CNNM2: variants seen among roughly 807,000 people sequenced by gnomAD.
The protein encoded by CNNM2 is cyclin and CBS domain divalent metal cation transport mediator 2, also known as metal transporter CNNM2.
Under a neutral mutation model 66.9 loss-of-function variants are expected in CNNM2, and 12 were observed. The observed-to-expected ratio is 0.18, with a 90% CI of 0.11 to 0.29. The LOEUF (loss-of-function observed/expected upper bound fraction) is 0.29, where lower values mean the gene tolerates loss of function less well. CNNM2 is among the 10% of genes least tolerant of loss of function. CNNM2 has a pLI of 1.00. For synonymous variants in CNNM2, 557 were observed against 501.8 expected, an observed-to-expected ratio of 1.11 and a Z score of -1.47; for missense variants, 705 against 1,167.7, an observed-to-expected ratio of 0.60 and a Z score of 5.77.
chr10:103,050,258 G>A (rs570089722), intron 2 of CNNM2, among the ~76,000 whole-genome samples: 1 of 152,272 alleles, frequency 6.6e-6, no homozygotes, highest in South Asian at 2.1e-4. Context: ...GAGGCCGGGC[G>A]TGGTGGCTCA....
At chr10:103,031,053 C>G (rs1451361295) in intron 1 of CNNM2, among the ~76,000 whole-genome samples, 1 of 152,226 alleles carries the variant, frequency 6.6e-6, no homozygotes, top group Non-Finnish European at 1.5e-5. Flanking sequence ...GGTTTTCAGT[C>G]TGTGCTTTAT....
At chr10:102,936,027 G>C (rs1359368656) in intron 1 of CNNM2, among the ~76,000 whole-genome samples, 1 of 150,638 alleles carries the variant, frequency 6.6e-6, no homozygotes, top group Non-Finnish European at 1.5e-5. Context: ...TTGGTGCTGT[G>C]GGGGTAGGGG....
intron 1 of CNNM2, among the ~76,000 whole-genome samples, chr10:102,952,540 G>A (rs1454404151): frequency 6.6e-6 from 1 of 151,874 alleles, no homozygotes; most frequent in Non-Finnish European, 1.5e-5. Context: ...CTCCAGCCTG[G>A]GTGACAGAGT....
At chr10:103,033,791 C>T (rs959902119) in intron 1 of CNNM2, among the ~76,000 whole-genome samples, 1 of 152,128 alleles carries the variant, frequency 6.6e-6, no homozygotes, top group Non-Finnish European at 1.5e-5. Context: ...AGCCCTTCTA[C>T]ACATTTTTAA....
At position 103,077,020 on chromosome 10, in the gene CNNM2, A is replaced by G; in HGVS notation, c.2468A>G (p.Lys823Arg). The G allele has an allele frequency of 3.1e-6, 5 of 1,613,984 alleles. No homozygotes were observed. Among genetic ancestry groups the G allele is most frequent in the Non-Finnish European group, 3.4e-6 (4 of 1,179,906 alleles). The change falls in exon 8 of 8, where the codon AAA becomes AGA. Residue 823 changes from lysine (K) to arginine (R), a missense_variant. Around this residue, in one of 9 missense-constraint regions of CNNM2, gnomAD observed 194 missense variants for 227.6 expected, o/e 0.85. Coordinates refer to ENST00000369878, the MANE Select transcript of CNNM2 (RefSeq NM_017649.5). ...QNALMASRMD[K>R]TPQSSDSENT... ...GCCTTGATGGCATCCCGGATGGACAAAACCCCCCAGTCTTCAGACAGTGAA... is the reference window on the plus strand; with the variant it reads ...GCCTTGATGGCATCCCGGATGGACAGAACCCCCCAGTCTTCAGACAGTGAA...
At chr10:103,044,581 T>A (rs557789012) in intron 1 of CNNM2, among the ~76,000 whole-genome samples, 1 of 152,128 alleles carries the variant, frequency 6.6e-6, no homozygotes, top group Non-Finnish European at 1.5e-5. Flanking sequence ...TTACATTTTC[T>A]TTTTGATTTA....
In CNNM2 at chr10:103,081,161, C is replaced by T. The variant is rs1461366501; in HGVS notation, c.*3981C>T. ...GCTTTGCACGCTATGTAGCATGACC[C>T]AAGCTCCCTGGTGGCATGGGAAAAA... On this transcript the variant is annotated 3_prime_UTR_variant, in exon 8 of 8. Transcript: ENST00000369878. The T allele has an allele frequency of 6.6e-6, 1 of 152,432 alleles. No homozygotes were observed. Among genetic ancestry groups the T allele is most frequent in the East Asian group, 1.9e-4 (1 of 5,188 alleles). The allele number at this position is 152,432 out of a possible 1,614,324, so 9.4% of individuals were successfully genotyped here. A position where few individuals can be genotyped will look rare whatever the true frequency, so the allele number is the denominator to read the frequency against.
At chr10:102,961,077 C>T (rs1158553100) in intron 1 of CNNM2, among the ~76,000 whole-genome samples, 6 of 151,790 alleles carry the variant, frequency 4.0e-5, no homozygotes, top group East Asian at 1.9e-4. Flanking sequence ...GGGGTTTCAC[C>T]GTGTTGGCCA....
At position 102,918,372 on chromosome 10, in the gene CNNM2, C is replaced by T. The variant is rs1845488132; in HGVS notation, c.-109C>T. ...AGTCAGTGTCAGTCAGGGAGGCGAA[C>T]TGCTGAGCACTGGCCGCGGACGCTC... On this transcript the variant is annotated 5_prime_UTR_variant, in exon 1 of 8. Coordinates refer to ENST00000369878, the MANE Select transcript of CNNM2 (RefSeq NM_017649.5). The surrounding 1 kb of genome is among the most constrained non-coding windows in gnomAD (Gnocchi z 4.1). 6.7e-7 allele frequency: 1 copy of T among 1,500,152 alleles called. No homozygotes were observed. Among genetic ancestry groups the T allele is most frequent in the Non-Finnish European group, 8.8e-7 (1 of 1,130,162 alleles). 92.9% of individuals were successfully genotyped at this position (1,500,152 alleles called of 1,614,324 possible).
chr10:103,000,462 T>C (rs2064097361), intron 1 of CNNM2, among the ~76,000 whole-genome samples: 1 of 152,078 alleles, frequency 6.6e-6, no homozygotes, highest in Admixed American at 6.6e-5. Flanking sequence ...TTTTATTTTT[T>C]ATTTTTTTTG....
intron 1 of CNNM2, among the ~76,000 whole-genome samples, chr10:102,947,810 G>C (rs1846673450): frequency 6.6e-6 from 1 of 152,116 alleles, no homozygotes; most frequent in South Asian, 2.1e-4. Flanking sequence ...CTAGCACTTT[G>C]GGAGGCCAAG....
chr10:102,950,261 T>C (rs1342828405), intron 1 of CNNM2, among the ~76,000 whole-genome samples: 3 of 152,168 alleles, frequency 2.0e-5, no homozygotes, highest in Non-Finnish European at 4.4e-5. Flanking sequence ...AAATAACTTC[T>C]AAGGTAAAAA....
intron 1 of CNNM2, among the ~76,000 whole-genome samples, chr10:103,031,619 GA>G (rs1042165022): frequency 2.6e-5 from 4 of 152,170 alleles, no homozygotes; most frequent in African/African-American, 9.7e-5. Context: ...GTCTTAGCCT[GA>G]ACATCAGCCT....
rs368155233 is a variant in CNNM2 at position 102,984,872 on chromosome 10, C to G, written c.1621+64771C>G. On this transcript the variant is annotated intron_variant, in intron 1 of 7. Coordinates refer to ENST00000369878, the MANE Select transcript of CNNM2 (RefSeq NM_017649.5). ...ATGTTGGCCAGGCTGGTCTCTAACTCCTGACCTCAAATGATCCACCCACCT... is the reference window on the plus strand; with the variant it reads ...ATGTTGGCCAGGCTGGTCTCTAACTGCTGACCTCAAATGATCCACCCACCT... Among the ~76,000 whole-genome samples the G allele has an allele frequency of 3.3e-5, 5 of 152,106 alleles. No homozygotes were observed. The East Asian group carries it at 9.6e-4, about 29-fold the overall frequency.
intron 1 of CNNM2, among the ~76,000 whole-genome samples, chr10:102,995,955 C>T (rs1477906887): frequency 6.6e-6 from 1 of 152,154 alleles, no homozygotes; most frequent in Non-Finnish European, 1.5e-5. Context: ...CTGCCTGGGC[C>T]TCCCAAAGTG....
intron 1 of CNNM2, among the ~76,000 whole-genome samples, chr10:102,960,004 A>C (rs543486662): frequency 6.6e-6 from 1 of 151,674 alleles, no homozygotes; most frequent in South Asian, 2.1e-4. Flanking sequence ...GTGAGCCGAG[A>C]TCACACCACC....
intron 1 of CNNM2, among the ~76,000 whole-genome samples, chr10:102,974,578 A>T (rs1014291314): frequency 2.7e-5 from 4 of 148,314 alleles, no homozygotes; most frequent in South Asian, 2.1e-4. Flanking sequence ...AATCCTATTT[A>T]TTTTTTTTTT....
chr10:102,976,698 C>T (rs1204619292), intron 1 of CNNM2, among the ~76,000 whole-genome samples: 2 of 135,646 alleles, frequency 1.5e-5, no homozygotes, highest in Non-Finnish European at 3.0e-5. Context: ...GAACTCCTGA[C>T]CTGAAGTGAT....
At chr10:102,959,640 G>C (rs1306036918) in intron 1 of CNNM2, among the ~76,000 whole-genome samples, 1 of 152,166 alleles carries the variant, frequency 6.6e-6, no homozygotes, top group Non-Finnish European at 1.5e-5. Flanking sequence ...GCAGTGATGT[G>C]AACATGGCTG....
Sources: allele counts gnomAD v4.1 joint callset (sites outside exome capture counted in the v4.1 genomes callset), GRCh38; gene constraint gnomAD v4.1.1; regional missense constraint gnomAD v4.1.1; non-coding constraint Gnocchi (gnomAD v3.1); transcripts MANE v1.5; gene names NCBI Gene and HGNC (gene_info 2026-07-23, HGNC 2026-07-21).